Variants in PDE8A observed in about 807,000 individuals in gnomAD.
PDE8A encodes phosphodiesterase 8A.
PDE8A carries 59 observed loss-of-function variants against 105.0 expected under a neutral mutation model. That is an observed-to-expected ratio of 0.56 (90% CI 0.46 to 0.70). PDE8A has a LOEUF of 0.70. Ranked by LOEUF, PDE8A falls within the 30% of genes least tolerant of loss-of-function variation. The pLI is 0.00. For synonymous variants in PDE8A, 355 were observed against 371.9 expected (o/e 0.95, Z 0.52); for missense variants, 1,014 against 1,045.9 (o/e 0.97, Z 0.42).
At chr15:84,998,544 A>C (rs1449671928) in intron 1 of PDE8A, among the ~76,000 whole-genome samples, 1 of 152,110 alleles carries the variant, frequency 6.6e-6, no homozygotes, top group Non-Finnish European at 1.5e-5. Flanking sequence ...ACAGATACCT[A>C]TTTTTTCATC....
At chr15:85,085,873 G>T (rs12440263) in intron 6 of PDE8A, among the ~76,000 whole-genome samples, 23,641 of 151,354 alleles carry the variant, frequency 0.16, 2,089 homozygotes, top group East Asian at 0.38. Flanking sequence ...TTAGCTGGGC[G>T]TGGTGGCGCA....
At chr15:85,110,321 A>G (rs759941380) in intron 12 of PDE8A, among the ~76,000 whole-genome samples, 3 of 152,160 alleles carry the variant, frequency 2.0e-5, no homozygotes, top group Non-Finnish European at 2.9e-5. Context: ...TCTTTTTCTT[A>G]TAACTTTTTA....
chr15:85,057,662 G>T (rs117569658), intron 1 of PDE8A, among the ~76,000 whole-genome samples: 292 of 152,300 alleles, frequency 1.9e-3, no homozygotes, highest in Non-Finnish European at 3.1e-3. Context: ...CGGCCATCTT[G>T]GAACCTCCTG....
chr15:85,053,619 GTCTGTTA>G (rs1202997404), intron 1 of PDE8A, among the ~76,000 whole-genome samples: 1 of 147,394 alleles, frequency 6.8e-6, no homozygotes, highest in Admixed American at 6.8e-5. Context: ...TTGGCTGTCT[GTCTGTTA>G]TTGGTGTATA....
intron 1 of PDE8A, among the ~76,000 whole-genome samples, chr15:85,031,712 G>T (rs990290468): frequency 1.3e-5 from 2 of 152,114 alleles, no homozygotes; most frequent in African/African-American, 4.8e-5. Flanking sequence ...GAGTTGATGT[G>T]TGAGGATTAA....
At chr15:85,014,404 C>A (rs1176021132) in intron 1 of PDE8A, among the ~76,000 whole-genome samples, 2 of 152,120 alleles carry the variant, frequency 1.3e-5, no homozygotes, top group African/African-American at 4.8e-5. Context: ...ATACTGAATA[C>A]CTCTATAAAG....
At chr15:85,068,683 A>C (rs866019803) in intron 3 of PDE8A, among the ~76,000 whole-genome samples, 16 of 152,262 alleles carry the variant, frequency 1.1e-4, no homozygotes, top group African/African-American at 2.9e-4. Context: ...AGGTGGGCCA[A>C]ATGGCTGCCG....
rs549948148 is a variant in PDE8A at position 84,993,491 on chromosome 15, A to G, written c.186+11143A>G. ...GAACAAGGATCACTTAAATTGTACA[A>G]TCACTTAAATTGCACAGTCAGGAGA... On this transcript the variant is annotated intron_variant, in intron 1 of 21. Transcript: ENST00000394553. Among the ~76,000 whole-genome samples the G allele has an allele frequency of 8.6e-4, 130 of 151,802 alleles. 1 individual carries two copies. Among genetic ancestry groups the G allele is most frequent in the Middle Eastern group, 3.4e-3 (1 of 290 alleles).
In PDE8A at chr15:85,100,026, A is replaced by C; in HGVS notation, c.953A>C (p.His318Pro). The change falls in exon 10 of 22, where the codon CAC (histidine) becomes CCC (proline). Residue 318 changes from histidine (H) to proline (P), a missense_variant. His to Pro is a moderately conservative substitution (Grantham distance 77). Coordinates refer to ENST00000394553, the MANE Select transcript of PDE8A (RefSeq NM_002605.3). ...PVIGQGGKIR[H>P]YVSIIRVCNG... ...TTTTTTACTTGCAGAAAAATTAGACACTATGTGTCCATTATCAGAGTGTGC... is the reference window on the plus strand; with the variant it reads ...TTTTTTACTTGCAGAAAAATTAGACCCTATGTGTCCATTATCAGAGTGTGC... 1 of 1,611,668 alleles carries C rather than the reference A, an allele frequency of 6.2e-7. No homozygotes were observed.
intron 2 of PDE8A, among the ~76,000 whole-genome samples, chr15:85,065,038 C>G (rs1045323634): frequency 1.3e-5 from 2 of 151,736 alleles, no homozygotes; most frequent in African/African-American, 4.8e-5. Flanking sequence ...TATGTATGTA[C>G]ATGTATGTGT....
At chr15:85,089,699 C>T (rs545171037) in intron 7 of PDE8A, among the ~76,000 whole-genome samples, 15 of 152,282 alleles carry the variant, frequency 9.9e-5, no homozygotes, top group Admixed American at 9.2e-4. Context: ...GAGAGACTCA[C>T]TGAAAAGGAT....
chr15:85,045,361 C>T (rs985797205), intron 1 of PDE8A, among the ~76,000 whole-genome samples: 19 of 152,138 alleles, frequency 1.2e-4, no homozygotes, highest in African/African-American at 4.1e-4. Flanking sequence ...ATACAGATTA[C>T]GGCCAGGTTA....
At chr15:85,027,047 C>T (rs1035434398) in intron 1 of PDE8A, among the ~76,000 whole-genome samples, 24 of 152,212 alleles carry the variant, frequency 1.6e-4, no homozygotes, top group Middle Eastern at 3.4e-3. Context: ...TTGTGTGGTT[C>T]TTTGTTATAA....
chr15:85,082,490 A>T (rs1479866695), intron 5 of PDE8A, among the ~76,000 whole-genome samples: 1 of 152,076 alleles, frequency 6.6e-6, no homozygotes, highest in African/African-American at 2.4e-5. Context: ...ATATACAATC[A>T]TACAGCTTTT....
At chr15:85,044,049 C>T (rs1254954556) in intron 1 of PDE8A, among the ~76,000 whole-genome samples, 1 of 152,074 alleles carries the variant, frequency 6.6e-6, no homozygotes, top group Non-Finnish European at 1.5e-5. Context: ...AAAAAAATGC[C>T]TTGTAATATG....
chr15:85,024,484 T>C (rs1334585001), intron 1 of PDE8A, among the ~76,000 whole-genome samples: 2 of 152,172 alleles, frequency 1.3e-5, no homozygotes. Context: ...CCATGCAGGT[T>C]GTTTCTCTTT....
At chr15:85,091,327 A>G (rs906841943) in intron 8 of PDE8A, 146 bp downstream of exon 8, 2 of 618,130 alleles carry the variant, frequency 3.2e-6, no homozygotes, top group African/African-American at 3.7e-5. Context: ...TGTTATATCC[A>G]TTTTGCAGGT....
In PDE8A at chr15:85,123,053, G is replaced by A. The variant is rs149263582; in HGVS notation, c.1953-8G>A. On this transcript the variant is annotated splice_region_variant and splice_polypyrimidine_tract_variant and intron_variant, in intron 18 of 21. Transcript: ENST00000394553. ...TTGTAGCAGCCTCTAATTTGTCATC[G>A]AAAACAGGAATGATTATCGGACACT... is the stretch of plus-strand genomic sequence containing the variant. 3.2e-3 allele frequency: 5,085 copies of A among 1,612,786 alleles called. 20 individuals carry two copies. The highest frequency in any genetic ancestry group is 4.3e-3 in the Middle Eastern group (26 of 6,052).
At chr15:85,119,069 T>C (rs2082139632) in intron 17 of PDE8A, among the ~76,000 whole-genome samples, 1 of 152,210 alleles carries the variant, frequency 6.6e-6, no homozygotes, top group Non-Finnish European at 1.5e-5. Context: ...CAGAGGGACA[T>C]CTGTGTCAAT....
Sources: allele counts gnomAD v4.1 joint callset (sites outside exome capture counted in the v4.1 genomes callset), GRCh38; gene constraint gnomAD v4.1.1; transcripts MANE v1.5; gene names NCBI Gene and HGNC (gene_info 2026-07-23, HGNC 2026-07-21).